TNRC6B: variants seen among roughly 807,000 people sequenced by gnomAD.
TNRC6B encodes the protein trinucleotide repeat containing adaptor 6B, also known as trinucleotide repeat-containing gene 6B protein.
In TNRC6B, 52 loss-of-function variants were observed where a neutral mutation model predicts 203.6. The observed-to-expected ratio is 0.26, with a 90% CI of 0.20 to 0.32. The LOEUF is 0.32. Ranked by LOEUF, TNRC6B falls within the 10% of genes least tolerant of loss-of-function variation. TNRC6B has a pLI of 1.00. For synonymous variants in TNRC6B, 838 were observed against 845.7 expected (o/e 0.99, Z 0.16); for missense variants, 1,923 against 2,286.2 (o/e 0.84, Z 3.24).
intron 1 of TNRC6B, among the ~76,000 whole-genome samples, chr22:40,078,587 T>C (rs1293790199): frequency 2.0e-5 from 3 of 150,366 alleles, no homozygotes; most frequent in African/African-American, 7.5e-5. Flanking sequence ...CTACTTTTTA[T>C]TATTTATTTA....
rs1244961824 is a variant in TNRC6B at position 40,335,271 on chromosome 22, C to T, written c.*12030C>T. On this transcript the variant is annotated 3_prime_UTR_variant, in exon 23 of 23. Coordinates refer to ENST00000454349, the MANE Select transcript of TNRC6B (RefSeq NM_001162501.2). The stretch of plus-strand genomic sequence containing the variant: ...TTTACATGGACACAGAAACTAGGCA[C>T]TTTAGAGGTGCACTTGCATGGCAGG... 7.1e-6 allele frequency: 1 copy of T among 141,500 alleles called. No individual in the cohort carries two copies. The highest frequency in any genetic ancestry group is 1.5e-5 in the Non-Finnish European group (1 of 66,416). 8.8% of individuals were successfully genotyped at this position (141,500 alleles called of 1,614,324 possible).
intron 1 of TNRC6B, among the ~76,000 whole-genome samples, chr22:40,191,705 C>A (rs1969422020): frequency 6.6e-6 from 1 of 152,164 alleles, no homozygotes; most frequent in South Asian, 2.1e-4. Flanking sequence ...CCTCAGCCTC[C>A]TGAGTAGCTA....
intron 1 of TNRC6B, among the ~76,000 whole-genome samples, chr22:40,090,472 G>A (rs1198560539): frequency 6.7e-6 from 1 of 150,310 alleles, no homozygotes; most frequent in African/African-American, 2.5e-5. Flanking sequence ...ATCCTTATTT[G>A]CCATCTGTAT....
chr22:40,051,921 G>C (rs2067748672), intron 1 of TNRC6B, among the ~76,000 whole-genome samples: 1 of 152,306 alleles, frequency 6.6e-6, no homozygotes, highest in South Asian at 2.1e-4. Context: ...GAAATCTGGA[G>C]TGTATTTTTC....
At position 40,328,306 on chromosome 22, in the gene TNRC6B, G is replaced by T. The variant is rs988117492; in HGVS notation, c.*5065G>T. On this transcript the variant is annotated 3_prime_UTR_variant, in exon 23 of 23. Transcript: ENST00000454349. Reference sequence around the variant, plus strand: ...CCTATGAGTATGGCTCCTGTTGTAAGAATTTTCCCACCTCTTCTGACATGA... The same window carrying T: ...CCTATGAGTATGGCTCCTGTTGTAATAATTTTCCCACCTCTTCTGACATGA... 4 of 152,158 alleles carry T rather than the reference G, an allele frequency of 2.6e-5. No homozygotes were observed. The highest frequency in any genetic ancestry group is 9.7e-5 in the African/African-American group (4 of 41,422). 9.4% of individuals were successfully genotyped at this position (152,158 alleles called of 1,614,324 possible).
At chr22:40,275,042 G>T (rs2070619901) in intron 7 of TNRC6B, among the ~76,000 whole-genome samples, 1 of 152,196 alleles carries the variant, frequency 6.6e-6, no homozygotes, top group African/African-American at 2.4e-5. Flanking sequence ...GCCTTCCCAT[G>T]TCTGAGGATT....
chr22:40,261,836 C>G lies in TNRC6B; in HGVS notation c.120C>G (p.Pro40=). 6.4e-7 allele frequency: 1 copy of G among 1,564,860 alleles called. No individual in the cohort carries two copies. Among genetic ancestry groups the G allele is most frequent in the Non-Finnish European group, 8.8e-7 (1 of 1,142,356 alleles). The stretch of plus-strand genomic sequence containing the variant: ...TTCCCAACCCCTCTCTTTTAGTGCC[C>G]GAAGTGACGAAACCAAGTTTAAGCC... ...QKVTEQKTKV[P]EVTKPSLSQP... is the part of the protein sequence containing the mutation. The change falls in exon 4 of 23, where the codon CCC becomes CCG. Residue 40 remains proline (P), a synonymous_variant. Transcript: ENST00000454349.
Position 40,261,931 on chromosome 22 carries a change from G to A in TNRC6B, c.215G>A (p.Arg72Lys), listed in dbSNP as rs2070391663. 1 of 1,612,536 alleles carries A rather than the reference G, an allele frequency of 6.2e-7. No individual in the cohort carries two copies. The highest frequency in any genetic ancestry group is 1.7e-5 in the Admixed American group (1 of 60,006). Residue 72 changes from arginine to lysine, a missense_variant, in exon 4 of 23, where the codon AGG becomes AAG. By Grantham distance (26) the Arg-to-Lys change is conservative. Coordinates refer to ENST00000454349, the MANE Select transcript of TNRC6B (RefSeq NM_001162501.2). Reference protein sequence around the residue: ...PPVNGGNNAKRVAVPNGQPPS... With the variant: ...PPVNGGNNAKKVAVPNGQPPS... ...GTCAATGGTGGCAACAATGCCAAAA[G>A]GGTGGCAGTGCCGAACGGACAACCG... is the stretch of plus-strand genomic sequence containing the variant.
intron 1 of TNRC6B, among the ~76,000 whole-genome samples, chr22:40,229,266 G>A (rs185677654): frequency 1.1e-3 from 170 of 152,146 alleles, no homozygotes; most frequent in Non-Finnish European, 2.0e-3. Context: ...ATGAAACCTG[G>A]CACCCATCCT....
intron 2 of TNRC6B, among the ~76,000 whole-genome samples, chr22:40,246,889 A>G (rs1223600940): frequency 6.6e-6 from 1 of 152,012 alleles, no homozygotes; most frequent in Admixed American, 6.6e-5. Context: ...GCTTTGGAGG[A>G]TATGGCATTG....
intron 11 of TNRC6B, among the ~76,000 whole-genome samples, chr22:40,281,629 A>C (rs2070722476): frequency 6.6e-6 from 1 of 152,190 alleles, no homozygotes; most frequent in African/African-American, 2.4e-5. Context: ...TTTAAACATT[A>C]GATTGGATAT....
chr22:40,300,834 C>T (rs1449447828), intron 13 of TNRC6B, 76 bp from the exon 14 acceptor site: 9 of 1,429,288 alleles, frequency 6.3e-6, no homozygotes, highest in East Asian at 2.4e-5. Flanking sequence ...TACTTCAGTG[C>T]ACAGACCCTT....
chr22:40,066,138 T>C (rs1018162173), intron 1 of TNRC6B, among the ~76,000 whole-genome samples: 1 of 152,036 alleles, frequency 6.6e-6, no homozygotes, highest in African/African-American at 2.4e-5. Context: ...TCCCCCTGGG[T>C]TTCCCTCCCT....
At position 40,262,096 on chromosome 22, in the gene TNRC6B, G is replaced by A. The variant is rs2070395534; in HGVS notation, c.380G>A (p.Cys127Tyr). Residue 127 changes from cysteine to tyrosine, a missense_variant, in exon 4 of 23, where the codon TGC (cysteine) becomes TAC (tyrosine). Physicochemically the swap from Cys to Tyr is radical, Grantham distance 194 (BLOSUM62 -2). Coordinates refer to ENST00000454349, the MANE Select transcript of TNRC6B (RefSeq NM_001162501.2). ...LLGGGAGPPP[C>Y]TAPGANPNNA... ...GGGGGTGGGGCAGGGCCTCCTCCCT[G>A]CACAGCACCTGGAGCAAACCCAAAC... is the stretch of plus-strand genomic sequence containing the variant. 3 of 1,546,706 alleles carry A rather than the reference G, an allele frequency of 1.9e-6. No homozygotes were observed. Among genetic ancestry groups the A allele is most frequent in the Admixed American group, 3.5e-5 (2 of 57,658 alleles).
In TNRC6B at chr22:40,230,601, C is replaced by T. The variant is rs1213174399; in HGVS notation, c.6-15414C>T. On this transcript the variant is annotated intron_variant, in intron 1 of 22. Transcript: ENST00000454349. The stretch of plus-strand genomic sequence containing the variant: ...GCCACCATGCCCGGCCTCTTTTGCC[C>T]GGTTTTAAGATGGGGTTCTTTATAT... Among the ~76,000 whole-genome samples, 7 of 152,028 alleles carry T rather than the reference C, an allele frequency of 4.6e-5. No homozygotes were observed. In the South Asian group the frequency reaches 8.3e-4, roughly 18 times the overall value.
chr22:40,299,158 C>CAAAAAAA (rs796432826), intron 12 of TNRC6B, among the ~76,000 whole-genome samples: 2 of 103,066 alleles, frequency 1.9e-5, no homozygotes, highest in Non-Finnish European at 4.1e-5. Context: ...AAAAAAAAAA[C>CAAAAAAA]AAAAAAAAAA....
intron 1 of TNRC6B, chr22:40,107,048 C>T: frequency 1.1e-6 from 1 of 870,836 alleles, no homozygotes; most frequent in Admixed American, 1.9e-5. Context: ...TCTTCTTCTT[C>T]TTTTCTACAC....
chr22:40,053,974 T>C lies in TNRC6B; in HGVS notation c.-121+8976T>C, dbSNP rs552971024. 1.1e-4 allele frequency among the ~76,000 whole-genome samples: 16 copies of C among 152,304 alleles called. No homozygotes were observed. In the South Asian group the frequency reaches 1.4e-3, roughly 14 times the overall value. The stretch of plus-strand genomic sequence containing the variant: ...GCTCGTGCCTGTAATCCCAGCACTT[T>C]GGGAAGCTGAGGTGGGTGAATATCT... On this transcript the variant is annotated intron_variant, in intron 1 of 23. Coordinates refer to the TNRC6B transcript ENST00000301923.
chr22:40,266,066 T>C lies in TNRC6B; in HGVS notation c.1836T>C (p.Asp612=). 6.2e-7 allele frequency: 1 copy of C among 1,613,730 alleles called. No homozygotes were observed. Among genetic ancestry groups the C allele is most frequent in the South Asian group, 1.1e-5 (1 of 91,084 alleles). Residue 612 remains aspartate (D), a synonymous_variant, in exon 5 of 23, where the codon GAT becomes GAC. Transcript: ENST00000454349. ...AVLQTLLSRT[D]LDPRVLSNTG... Reference sequence around the variant, plus strand: ...TGCAGACTCTTTTGAGCCGAACTGATTTGGACCCCAGGGTGCTCTCAAACA... The same window carrying C: ...TGCAGACTCTTTTGAGCCGAACTGACTTGGACCCCAGGGTGCTCTCAAACA...
Sources: gnomAD v4.1 joint callset for allele counts (sites outside exome capture counted in the v4.1 genomes callset) on GRCh38, gnomAD v4.1.1 for gene constraint, MANE v1.5 for transcripts, NCBI Gene and HGNC (gene_info 2026-07-23, HGNC 2026-07-21) for gene names.